RRAGD: variants seen among roughly 807,000 people sequenced by gnomAD.
The protein encoded by RRAGD is Ras related GTP binding D.
RRAGD carries 12 observed loss-of-function variants against 35.5 expected under a neutral mutation model. The ratio of observed to expected loss-of-function variants is 0.34; its 90% CI spans 0.22 to 0.55. The LOEUF (loss-of-function observed/expected upper bound fraction) is 0.55. Among genes scored for constraint, RRAGD ranks in the 20% least tolerant of loss-of-function variants. The probability of loss-of-function intolerance (pLI) is 0.91; values close to 1 mark genes in which losing one functional copy is unlikely to be tolerated. For synonymous variants in RRAGD, 155 were observed against 178.9 expected, an observed-to-expected ratio of 0.87 and a Z score of 1.07; for missense variants, 324 against 490.1, an observed-to-expected ratio of 0.66 and a Z score of 3.20.
chr6:89,378,918 C>T (rs1260151384), intron 4 of RRAGD, among the ~76,000 whole-genome samples: 6 of 152,014 alleles, frequency 3.9e-5, no homozygotes, highest in South Asian at 2.1e-4. Context: ...TGTGCTACCA[C>T]ACCTGGCTAG....
At chr6:89,389,345 G>T (rs1487311374) in intron 1 of RRAGD, among the ~76,000 whole-genome samples, 1 of 152,038 alleles carries the variant, frequency 6.6e-6, no homozygotes, top group Non-Finnish European at 1.5e-5. Context: ...CACGAGGTCA[G>T]CAGATCAAGA....
rs766046732 is a variant in RRAGD, at chr6:89,380,148, T to G, written c.644+20A>C. 1 of 1,612,016 alleles carries G rather than the reference T, an allele frequency of 6.2e-7. No individual in the cohort carries two copies. The highest frequency in any genetic ancestry group is 2.2e-5 in the East Asian group (1 of 44,874). On this transcript the variant is annotated intron_variant, in intron 3 of 6. Transcript: ENST00000369415. Reference sequence around the variant, plus strand: ...TTCTTCCATCCTTTATTGGGATCCTTAAGGGGTTTCTGTTCTCACCTGAGG... The same window carrying G: ...TTCTTCCATCCTTTATTGGGATCCTGAAGGGGTTTCTGTTCTCACCTGAGG...
chr6:89,402,899 G>A (rs1769501295), intron 1 of RRAGD, among the ~76,000 whole-genome samples: 1 of 152,170 alleles, frequency 6.6e-6, no homozygotes, highest in African/African-American at 2.4e-5. Context: ...TCATCAACCT[G>A]TGGTTGCCAT....
At position 89,366,068 on chromosome 6, in the gene RRAGD, G is replaced by C. The variant is rs1768737012; in HGVS notation, c.*1988C>G. ...TAGGAATCATGAGGAAAGGAGTTAG[G>C]GCACCTTAATTATTTTTAGAAATCT... On this transcript the variant is annotated 3_prime_UTR_variant, in exon 7 of 7. Transcript: ENST00000369415. 1 of 152,130 alleles carries C rather than the reference G, an allele frequency of 6.6e-6. No homozygotes were observed. Among genetic ancestry groups the C allele is most frequent in the African/African-American group, 2.4e-5 (1 of 41,428 alleles). The allele number at this position is 152,130 out of a possible 1,614,324, so 9.4% of individuals were successfully genotyped here.
chr6:89,385,630 C>A (rs1273711558), intron 2 of RRAGD, among the ~76,000 whole-genome samples: 1 of 152,132 alleles, frequency 6.6e-6, no homozygotes, highest in Non-Finnish European at 1.5e-5. Context: ...TGACAGCAGG[C>A]CCTGGACGTG....
At chr6:89,382,425 A>ATATATAT (rs1554203631) in intron 2 of RRAGD, among the ~76,000 whole-genome samples, 7 of 146,948 alleles carry the variant, frequency 4.8e-5, no homozygotes, top group African/African-American at 1.5e-4. Context: ...ATATATATGT[A>ATATATAT]ATTAACCAGA....
chr6:89,384,672 G>A (rs187044633), intron 2 of RRAGD, among the ~76,000 whole-genome samples: 24 of 151,982 alleles, frequency 1.6e-4, no homozygotes, highest in Non-Finnish European at 3.2e-4. Context: ...AAAATTAGCC[G>A]GGTGTGGTGG....
chr6:89,391,871 C>A (rs1440332080), intron 1 of RRAGD, among the ~76,000 whole-genome samples: 30 of 150,556 alleles, frequency 2.0e-4, no homozygotes, highest in Non-Finnish European at 2.9e-5. Flanking sequence ...GCAGAAGGAT[C>A]CCTTGAGCCC....
At chr6:89,392,479 C>CA (rs113271127) in intron 1 of RRAGD, among the ~76,000 whole-genome samples, 88,832 of 141,436 alleles carry the variant, frequency 0.63, 28,805 homozygotes, top group African/African-American at 0.82. Flanking sequence ...AACCCTGTCT[C>CA]GAAAAAAAAA....
intron 1 of RRAGD, among the ~76,000 whole-genome samples, chr6:89,403,480 C>A (rs1443718545): frequency 6.6e-6 from 1 of 151,742 alleles, no homozygotes; most frequent in Non-Finnish European, 1.5e-5. Flanking sequence ...TGTAAAGTAC[C>A]AATTCAAAGG....
At chr6:89,385,428 T>C (rs1457700804) in intron 2 of RRAGD, among the ~76,000 whole-genome samples, 1 of 152,104 alleles carries the variant, frequency 6.6e-6, no homozygotes, top group African/African-American at 2.4e-5. Context: ...AAGAGAGAGA[T>C]GAGCATGACA....
At chr6:89,376,761 T>C (rs2127886348) in intron 5 of RRAGD, among the ~76,000 whole-genome samples, 1 of 152,298 alleles carries the variant, frequency 6.6e-6, no homozygotes, top group Non-Finnish European at 1.5e-5. Context: ...GGATCAGGAA[T>C]CAGATCTGAG....
chr6:89,400,362 C>G (rs978772982), intron 1 of RRAGD, among the ~76,000 whole-genome samples: 1 of 151,994 alleles, frequency 6.6e-6, no homozygotes, highest in Non-Finnish European at 1.5e-5. Flanking sequence ...TGTGGGTACT[C>G]GCTCAGAGTA....
intron 1 of RRAGD, among the ~76,000 whole-genome samples, chr6:89,391,699 T>C (rs1769237845): frequency 6.6e-6 from 1 of 152,092 alleles, no homozygotes; most frequent in African/African-American, 2.4e-5. Context: ...ACACCTGTAA[T>C]CATAGCACTT....
rs751164028 is a variant in RRAGD, at chr6:89,368,070, T to C, written c.1189A>G (p.Arg397Gly). 8.1e-6 allele frequency: 13 copies of C among 1,612,544 alleles called. No individual in the cohort carries two copies. In the African/African-American group the frequency reaches 9.4e-5, roughly 12 times the overall value. ...KKRATPNGTP[R>G]VLL is the part of the protein sequence containing the mutation. ...TGAAACCTCACCTACAGCAGCACTC[T>C]AGGGGTCCCATTAGGGGTGGCTCTC... The change falls in exon 7 of 7, where the codon AGA (arginine) becomes GGA (glycine). Residue 397 changes from arginine (R) to glycine (G), a missense_variant. By Grantham distance (125) the Arg-to-Gly change is moderately radical. Transcript: ENST00000369415.
chr6:89,375,179 T>C (rs1220416960), intron 5 of RRAGD, among the ~76,000 whole-genome samples: 1 of 152,128 alleles, frequency 6.6e-6, no homozygotes, highest in African/African-American at 2.4e-5. Context: ...ACAAACTATA[T>C]AAAATGTAAA....
intron 6 of RRAGD, among the ~76,000 whole-genome samples, chr6:89,370,525 C>T (rs1768836573): frequency 6.6e-6 from 1 of 152,166 alleles, no homozygotes; most frequent in East Asian, 1.9e-4. Flanking sequence ...TGGTAATATG[C>T]ATTAGAAGCC....
At chr6:89,401,430 A>G (rs766319467) in intron 1 of RRAGD, among the ~76,000 whole-genome samples, 13 of 151,856 alleles carry the variant, frequency 8.6e-5, no homozygotes, top group Non-Finnish European at 1.8e-4. Context: ...GCTAATTTTT[A>G]TATTTTTAGT....
At position 89,367,055 on chromosome 6, in the gene RRAGD, T is replaced by TA. The variant is rs1244557255; in HGVS notation, c.*1000dup. The TA allele has an allele frequency of 6.6e-6, 1 of 152,180 alleles. No individual in the cohort carries two copies. Among genetic ancestry groups the TA allele is most frequent in the East Asian group, 1.9e-4 (1 of 5,204 alleles). 9.4% of individuals were successfully genotyped at this position (152,180 alleles called of 1,614,324 possible). On this transcript the variant is annotated 3_prime_UTR_variant, in exon 7 of 7. Coordinates refer to ENST00000369415, the MANE Select transcript of RRAGD (RefSeq NM_021244.5). ...TCTATTCACTATGGTCATGGAGCAA[T>TA]AAAGAACTGGTCCTGAATAAGCATT... is the stretch of plus-strand genomic sequence containing the variant.
Sources: gnomAD v4.1 joint callset for allele counts (sites outside exome capture counted in the v4.1 genomes callset) on GRCh38, gnomAD v4.1.1 for gene constraint, MANE v1.5 for transcripts, NCBI Gene and HGNC (gene_info 2026-07-23, HGNC 2026-07-21) for gene names.